GRAMD4: variants seen among roughly 807,000 people sequenced by gnomAD.
GRAMD4 encodes the protein GRAM domain containing 4, also known as GRAM domain-containing protein 4.
Under a neutral mutation model 83.9 loss-of-function variants are expected in GRAMD4, and 25 were observed. That is an observed-to-expected ratio of 0.30 (90% CI 0.22 to 0.42). The LOEUF is 0.42. Ranked by LOEUF, GRAMD4 falls within the 10% of genes least tolerant of loss-of-function variation. GRAMD4 has a pLI of 1.00. For missense variants in GRAMD4, 593 were observed against 788.7 expected, an observed-to-expected ratio of 0.75 and a Z score of 2.97; for synonymous variants, 336 against 320.9, an observed-to-expected ratio of 1.05 and a Z score of -0.50.
At position 46,679,062 on chromosome 22, in the gene GRAMD4, G is replaced by A. The variant is rs901452368; in HGVS notation, c.*1811G>A. On this transcript the variant is annotated 3_prime_UTR_variant, in exon 19 of 19. Transcript: ENST00000406902. ...ATATCCCAGTGAACCCCACCTTGGC[G>A]CCTGAGGCAACACAGGGTGGGCACT... 33 of 985,530 alleles carry A rather than the reference G, an allele frequency of 3.3e-5. No individual in the cohort carries two copies. The highest frequency in any genetic ancestry group is 1.0e-4 in the African/African-American group (6 of 57,236). The allele number at this position is 985,530 out of a possible 1,614,324, so 61.0% of individuals were successfully genotyped here.
intron 8 of GRAMD4, among the ~76,000 whole-genome samples, chr22:46,665,013 G>A (rs2082386791): frequency 6.6e-6 from 1 of 152,232 alleles, no homozygotes; most frequent in Non-Finnish European, 1.5e-5. Flanking sequence ...CCCTGGCCCT[G>A]GAAGGCCTCT....
intron 1 of GRAMD4, among the ~76,000 whole-genome samples, chr22:46,593,733 TA>T (rs924004093): frequency 7.2e-5 from 11 of 152,072 alleles, no homozygotes; most frequent in African/African-American, 2.4e-4. Flanking sequence ...TATTTTTATT[TA>T]TTTTTTTGAG....
intron 10 of GRAMD4, among the ~76,000 whole-genome samples, chr22:46,667,534 G>T (rs753854729): frequency 6.6e-6 from 1 of 152,244 alleles, no homozygotes; most frequent in Non-Finnish European, 1.5e-5. Flanking sequence ...CTTTACAGAA[G>T]TCTGCTCTAG....
chr22:46,662,071 A>T (rs2082335940), intron 5 of GRAMD4, among the ~76,000 whole-genome samples: 1 of 152,236 alleles, frequency 6.6e-6, no homozygotes. Context: ...GTCCATAAAT[A>T]AAGTCCATGG....
rs1232818416 is a variant in GRAMD4, at chr22:46,654,938, G to GCA, written c.284-3245_284-3244dup. Among the ~76,000 whole-genome samples the GCA allele has an allele frequency of 4.6e-5, 7 of 152,250 alleles. No individual in the cohort carries two copies. In the South Asian group the frequency reaches 1.2e-3, roughly 27 times the overall value. ...TGCCATTTCTGGGAATCCCCACCCA[G>GCA]CACACGGAGTGGGAATCATGTCCCC... On this transcript the variant is annotated intron_variant, in intron 3 of 18. Coordinates refer to ENST00000406902, the MANE Select transcript of GRAMD4 (RefSeq NM_015124.5).
At chr22:46,639,895 A>G (rs1029507655) in intron 3 of GRAMD4, among the ~76,000 whole-genome samples, 3 of 151,972 alleles carry the variant, frequency 2.0e-5, no homozygotes, top group Admixed American at 2.0e-4. Context: ...GCTGGCCCGC[A>G]TGGGCTGCCG....
At chr22:46,600,015 C>G (rs575646577) in intron 1 of GRAMD4, among the ~76,000 whole-genome samples, 6 of 152,330 alleles carry the variant, frequency 3.9e-5, no homozygotes, top group African/African-American at 1.4e-4. Flanking sequence ...TTAAGGCCAC[C>G]AGGAAGCTTG....
chr22:46,648,787 G>GATGC (rs2082114826), intron 3 of GRAMD4, among the ~76,000 whole-genome samples: 3 of 121,418 alleles, frequency 2.5e-5, no homozygotes, highest in African/African-American at 1.1e-4. Flanking sequence ...TGGATGGATG[G>GATGC]ATGGATGGAT....
chr22:46,633,592 C>T (rs2081810284), intron 2 of GRAMD4, among the ~76,000 whole-genome samples: 1 of 152,234 alleles, frequency 6.6e-6, no homozygotes, highest in South Asian at 2.1e-4. Flanking sequence ...CGTGGGTTGG[C>T]GTCCTTGCTG....
In GRAMD4 at chr22:46,676,685, G is replaced by T; in HGVS notation, c.1632+17G>T. The T allele has an allele frequency of 6.5e-7, 1 of 1,546,246 alleles. No homozygotes were observed. The highest frequency in any genetic ancestry group is 8.7e-7 in the Non-Finnish European group (1 of 1,146,184). ...ACCCAGAAAGTAGGTGCCGGGCGGG[G>T]GGCCGCCAAGGGGTTGGTGTGGGCC... On this transcript the variant is annotated intron_variant, in intron 18 of 18. Coordinates refer to ENST00000406902, the MANE Select transcript of GRAMD4 (RefSeq NM_015124.5).
In GRAMD4 at chr22:46,626,972, G is replaced by A; in HGVS notation, c.162+11G>A. The A allele has an allele frequency of 6.3e-7, 1 of 1,599,422 alleles. No homozygotes were observed. Among genetic ancestry groups the A allele is most frequent in the Non-Finnish European group, 8.6e-7 (1 of 1,167,082 alleles). On this transcript the variant is annotated intron_variant, in intron 2 of 18. Coordinates refer to ENST00000406902, the MANE Select transcript of GRAMD4 (RefSeq NM_015124.5). Reference sequence around the variant, plus strand: ...GAGCTGAGGGACCCTGTGAGTACCTGTCCTCGTCCCCCGGTGTGGGCTGGG... The same window carrying A: ...GAGCTGAGGGACCCTGTGAGTACCTATCCTCGTCCCCCGGTGTGGGCTGGG...
chr22:46,591,802 C>T (rs1228027104), intron 1 of GRAMD4, among the ~76,000 whole-genome samples: 1 of 134,844 alleles, frequency 7.4e-6, no homozygotes, highest in Non-Finnish European at 1.5e-5. Flanking sequence ...CACTGCACTC[C>T]AGCCTGGGTG....
chr22:46,578,174 A>T (rs1247906526), intron 1 of GRAMD4, among the ~76,000 whole-genome samples: 2 of 152,132 alleles, frequency 1.3e-5, no homozygotes, highest in African/African-American at 4.8e-5. Context: ...CTTTTGCAGG[A>T]TGGGGTTCCC....
intron 1 of GRAMD4, among the ~76,000 whole-genome samples, chr22:46,605,952 A>ATGGC (rs1283967622): frequency 1.2e-5 from 1 of 81,064 alleles, no homozygotes; most frequent in African/African-American, 4.2e-5. Context: ...GCATGGGCTT[A>ATGGC]TGGCTGGTGC....
intron 3 of GRAMD4, among the ~76,000 whole-genome samples, chr22:46,647,415 G>C (rs2082087270): frequency 6.6e-6 from 1 of 152,160 alleles, no homozygotes. Flanking sequence ...TTTGAGTACA[G>C]GGGTGAGCTG....
rs1267900954 is a variant in GRAMD4, at chr22:46,659,322, C to T, written c.404+1015C>T. Among the ~76,000 whole-genome samples, 1 of 152,124 alleles carries T rather than the reference C, an allele frequency of 6.6e-6. No homozygotes were observed. The highest frequency in any genetic ancestry group is 1.5e-5 in the Non-Finnish European group (1 of 68,026). On this transcript the variant is annotated intron_variant, in intron 4 of 18. Coordinates refer to ENST00000406902, the MANE Select transcript of GRAMD4 (RefSeq NM_015124.5). This position sits in a 1 kb window ranked among gnomAD's most constrained non-coding sequence, Gnocchi z 4.1. ...CTTCAGCCTCCGTCCTCAGACTCCA[C>T]TCCCTCAGCCTCCCCACTCAGGTTC...
At chr22:46,674,542 G>A (rs1335693587) in intron 15 of GRAMD4, 115 bp from the exon 16 acceptor site, 13 of 799,810 alleles carry the variant, frequency 1.6e-5, no homozygotes, top group Non-Finnish European at 2.7e-5. Flanking sequence ...TGGGTGTGAC[G>A]TGAGCGCGGT....
intron 1 of GRAMD4, among the ~76,000 whole-genome samples, chr22:46,595,975 C>G (rs1478482129): frequency 6.6e-6 from 1 of 152,228 alleles, no homozygotes; most frequent in African/African-American, 2.4e-5. Context: ...AATCTGCTAT[C>G]CTGGTGGGAC....
chr22:46,668,659 T>G (rs1274031850), intron 11 of GRAMD4, 30 bp from the exon 12 acceptor site: 2 of 1,605,660 alleles, frequency 1.2e-6, no homozygotes, highest in South Asian at 2.2e-5. Flanking sequence ...GAGCGGGGGC[T>G]GTTGTAATTG....
Sources: gnomAD v4.1 joint callset for allele counts (sites outside exome capture counted in the v4.1 genomes callset) on GRCh38, gnomAD v4.1.1 for gene constraint, Gnocchi (gnomAD v3.1) non-coding constraint, MANE v1.5 for transcripts, NCBI Gene and HGNC (gene_info 2026-07-23, HGNC 2026-07-21) for gene names.